The following CTNND2 variants were observed in gnomAD, a reference collection of about 807,000 sequenced individuals.
CTNND2 encodes catenin delta 2.
A neutral mutation model predicts 144.4 loss-of-function variants in CTNND2; 22 were observed. That is an observed-to-expected ratio of 0.15 (90% CI 0.11 to 0.22). The LOEUF (loss-of-function observed/expected upper bound fraction) is 0.22, where lower values mean the gene tolerates loss of function less well. CTNND2 is among the 10% of genes least tolerant of loss of function. The probability of loss-of-function intolerance (pLI) is 1.00; values close to 1 mark genes in which losing one functional copy is unlikely to be tolerated. For missense variants in CTNND2, 1,353 were observed against 1,618.8 expected (o/e 0.84, Z 2.82); for synonymous variants, 751 against 695.6 (o/e 1.08, Z -1.25).
chr5:11,470,974 A>ATG, intron 3 of CTNND2, among the ~76,000 whole-genome samples: 1 of 98,124 alleles, frequency 1.0e-5, no homozygotes, highest in Non-Finnish European at 2.0e-5. Flanking sequence ...ATATATATAT[A>ATG]TATATATTTT....
chr5:11,818,132 A>C (rs568304626), intron 1 of CTNND2, among the ~76,000 whole-genome samples: 1 of 152,134 alleles, frequency 6.6e-6, no homozygotes, highest in African/African-American at 2.4e-5. Flanking sequence ...AATCATTAAT[A>C]ATCTTGAAAA....
chr5:11,018,983 A>G (rs2907089), intron 17 of CTNND2, among the ~76,000 whole-genome samples: 77,268 of 151,974 alleles, frequency 0.51, 21,354 homozygotes, highest in African/African-American at 0.74. Context: ...CTGGGATTAC[A>G]GACGTGATCC....
intron 18 of CTNND2, among the ~76,000 whole-genome samples, chr5:11,017,273 C>T (rs1741709727): frequency 6.6e-6 from 1 of 151,846 alleles, no homozygotes; most frequent in South Asian, 2.1e-4. Context: ...ACTTTTTTCT[C>T]TTAAGGGATT....
intron 2 of CTNND2, among the ~76,000 whole-genome samples, chr5:11,726,426 G>C (rs1010826362): frequency 1.2e-4 from 18 of 151,952 alleles, no homozygotes; most frequent in Non-Finnish European, 1.9e-4. Context: ...AGTCTGGAAG[G>C]AAATCTCCCT....
intron 1 of CTNND2, among the ~76,000 whole-genome samples, chr5:11,747,031 C>T (rs1292767936): frequency 6.6e-6 from 1 of 152,020 alleles, no homozygotes; most frequent in African/African-American, 2.4e-5. Context: ...ACCAATCACA[C>T]CTATGTCTAC....
At chr5:11,107,816 C>G (rs886567222) in intron 14 of CTNND2, among the ~76,000 whole-genome samples, 1 of 151,722 alleles carries the variant, frequency 6.6e-6, no homozygotes, top group Non-Finnish European at 1.5e-5. Flanking sequence ...CTCACAGCAG[C>G]CCTTGGGGCA....
rs985568153 is a variant in CTNND2 at position 11,726,796 on chromosome 5, T to G, written c.174+5340A>C. 2.6e-5 allele frequency among the ~76,000 whole-genome samples: 4 copies of G among 152,160 alleles called. 1 individual carries two copies. The highest frequency in any genetic ancestry group is 2.0e-4 in the Admixed American group (3 of 15,274). ...TCTGTAAACCCAACAACTAACACTATTAAATAGAACAGAGCATAAAACAAT... is the reference window on the plus strand; with the variant it reads ...TCTGTAAACCCAACAACTAACACTAGTAAATAGAACAGAGCATAAAACAAT... On this transcript the variant is annotated intron_variant, in intron 2 of 21. Coordinates refer to ENST00000304623, the MANE Select transcript of CTNND2 (RefSeq NM_001332.4).
intron 3 of CTNND2, among the ~76,000 whole-genome samples, chr5:11,450,898 CAAAAAAAAAAAAAA>C (rs758941655): frequency 1.2e-5 from 1 of 81,510 alleles, no homozygotes; most frequent in Non-Finnish European, 2.2e-5. Context: ...AACTCCATCT[CAAAAAAAAAAAAAA>C]AAAAAAAAAA....
intron 15 of CTNND2, among the ~76,000 whole-genome samples, chr5:11,088,495 T>G (rs546537532): frequency 2.6e-5 from 4 of 152,364 alleles, no homozygotes; most frequent in Admixed American, 6.5e-5. Flanking sequence ...CAGAAAACTT[T>G]TCATCTACAT....
At chr5:11,120,630 C>T (rs1754033225) in intron 12 of CTNND2, among the ~76,000 whole-genome samples, 1 of 64,404 alleles carries the variant, frequency 1.6e-5, no homozygotes. Context: ...GGTGATGAGG[C>T]TCAGTTTACA....
At chr5:11,049,318 T>G (rs777773490) in intron 16 of CTNND2, among the ~76,000 whole-genome samples, 12 of 152,320 alleles carry the variant, frequency 7.9e-5, no homozygotes, top group Middle Eastern at 3.4e-3. Context: ...AGGGTGTGAT[T>G]TGGTAAAACT....
chr5:11,727,580 G>T (rs143004462), intron 2 of CTNND2, among the ~76,000 whole-genome samples: 1 of 152,000 alleles, frequency 6.6e-6, no homozygotes, highest in African/African-American at 2.4e-5. Flanking sequence ...CAGCAATCAC[G>T]TAATTCTCAC....
intron 11 of CTNND2, among the ~76,000 whole-genome samples, chr5:11,193,270 T>C (rs1227561013): frequency 6.6e-6 from 1 of 152,238 alleles, no homozygotes; most frequent in African/African-American, 2.4e-5. Context: ...TCTTTGACTT[T>C]AATTCCTTTG....
chr5:11,672,610 G>A (rs1051643091), intron 2 of CTNND2, among the ~76,000 whole-genome samples: 1 of 152,098 alleles, frequency 6.6e-6, no homozygotes, highest in Non-Finnish European at 1.5e-5. Flanking sequence ...CAGCAATGGC[G>A]GACGCCCCTC....
At chr5:11,896,585 A>G (rs866619181) in intron 1 of CTNND2, among the ~76,000 whole-genome samples, 10 of 152,152 alleles carry the variant, frequency 6.6e-5, no homozygotes, top group African/African-American at 1.9e-4. Context: ...AAATAAATAT[A>G]TACTATTCTT....
chr5:10,975,157 G>A (rs1393136), intron 21 of CTNND2, among the ~76,000 whole-genome samples: 18 of 152,198 alleles, frequency 1.2e-4, no homozygotes, highest in Non-Finnish European at 1.9e-4. Flanking sequence ...ACTGGACTGC[G>A]TTGCTAGGTT....
chr5:11,047,564 G>A (rs1052298897), intron 16 of CTNND2, among the ~76,000 whole-genome samples: 1 of 152,116 alleles, frequency 6.6e-6, no homozygotes, highest in African/African-American at 2.4e-5. Flanking sequence ...CATATGTGCC[G>A]TGACTTTCGT....
chr5:11,356,927 A>G (rs1487538147), intron 8 of CTNND2, among the ~76,000 whole-genome samples: 1 of 152,104 alleles, frequency 6.6e-6, no homozygotes, highest in Non-Finnish European at 1.5e-5. Flanking sequence ...TATATAAAAA[A>G]AATGCTAAAC....
intron 18 of CTNND2, among the ~76,000 whole-genome samples, chr5:10,997,035 A>G: frequency 6.6e-6 from 1 of 151,908 alleles, no homozygotes; most frequent in East Asian, 1.9e-4. Context: ...TCGTCCCAGG[A>G]GGCTTGGGTG....
Sources: gnomAD v4.1 joint callset for allele counts (sites outside exome capture counted in the v4.1 genomes callset) on GRCh38, gnomAD v4.1.1 for gene constraint, MANE v1.5 for transcripts, NCBI Gene and HGNC (gene_info 2026-07-23, HGNC 2026-07-21) for gene names.